ATP6V0A4: variants seen among roughly 807,000 people sequenced by gnomAD.
The protein encoded by ATP6V0A4 is ATPase H+ transporting V0 subunit a4, also known as V-type proton ATPase 116 kDa subunit a 4.
In ATP6V0A4, 86 loss-of-function variants were observed where a neutral mutation model predicts 107.3. That is an observed-to-expected ratio of 0.80 (90% CI 0.67 to 0.96). The LOEUF is 0.96. ATP6V0A4 is among the 40% of genes least tolerant of loss of function. The probability of loss-of-function intolerance (pLI) is 0.00; values close to 1 mark genes in which losing one functional copy is unlikely to be tolerated. For missense variants in ATP6V0A4, 908 were observed against 1,045.6 expected (o/e 0.87, Z 1.81); for synonymous variants, 353 against 381.4 (o/e 0.93, Z 0.87).
chr7:138,792,817 A>G (rs1329643555), intron 1 of ATP6V0A4, among the ~76,000 whole-genome samples: 9 of 137,620 alleles, frequency 6.5e-5, no homozygotes, highest in African/African-American at 2.5e-4. Flanking sequence ...GAGTTTCACT[A>G]TGTTGCCCAG....
At chr7:138,731,801 G>A (rs1805033802) in intron 17 of ATP6V0A4, among the ~76,000 whole-genome samples, 2 of 152,028 alleles carry the variant, frequency 1.3e-5, no homozygotes, top group Admixed American at 6.6e-5. Context: ...GCTGAGGCAG[G>A]AGAATCACTT....
At chr7:138,777,667 T>C (rs532332998) in intron 2 of ATP6V0A4, among the ~76,000 whole-genome samples, 4 of 142,498 alleles carry the variant, frequency 2.8e-5, no homozygotes, top group East Asian at 3.9e-4. Context: ...CACACACATA[T>C]ATATTACTTT....
Position 138,747,564 on chromosome 7 carries a change from GCTGCGGAGGGGAGACACA to G in ATP6V0A4, c.1181-18_1181-1del. 1 of 1,613,910 alleles carries G rather than the reference GCTGCGGAGGGGAGACACA, an allele frequency of 6.2e-7. No homozygotes were observed. The highest frequency in any genetic ancestry group is 8.5e-7 in the Non-Finnish European group (1 of 1,179,966). ...GGGGAAAGTGATGATGGTGTAGGGG[GCTGCGGAGGGGAGACACA>G]CAACGCCTGAGGCCTCAGCACAGCC... On this transcript the variant is annotated splice_acceptor_variant and splice_polypyrimidine_tract_variant and intron_variant, in intron 12 of 21. Transcript: ENST00000310018. LOFTEE classifies it high-confidence loss of function.
At chr7:138,744,007 C>T (rs1562996145) in intron 14 of ATP6V0A4, among the ~76,000 whole-genome samples, 1 of 152,098 alleles carries the variant, frequency 6.6e-6, no homozygotes, top group Non-Finnish European at 1.5e-5. Context: ...TAAAAGTCTC[C>T]ATTCCTAAAA....
intron 8 of ATP6V0A4, among the ~76,000 whole-genome samples, chr7:138,758,044 T>G (rs1220318008): frequency 6.6e-6 from 1 of 152,198 alleles, no homozygotes; most frequent in African/African-American, 2.4e-5. Context: ...GAATCAGGAA[T>G]CTGCTCTAAT....
At chr7:138,787,090 T>C (rs975324217) in intron 1 of ATP6V0A4, among the ~76,000 whole-genome samples, 21 of 152,132 alleles carry the variant, frequency 1.4e-4, no homozygotes, top group African/African-American at 5.1e-4. Flanking sequence ...TGCAATTTGC[T>C]CAAGGTCCTG....
intron 6 of ATP6V0A4, among the ~76,000 whole-genome samples, chr7:138,762,661 C>A (rs1806883348): frequency 6.6e-6 from 1 of 152,182 alleles, no homozygotes; most frequent in Non-Finnish European, 1.5e-5. Context: ...GTTCTGACTT[C>A]TCTTTCTGCC....
At chr7:138,774,953 T>C (rs1284302395) in intron 2 of ATP6V0A4, among the ~76,000 whole-genome samples, 3 of 152,064 alleles carry the variant, frequency 2.0e-5, no homozygotes, top group African/African-American at 7.3e-5. Flanking sequence ...TTTTCCTATT[T>C]CTTTGACAGA....
At chr7:138,741,526 G>A (rs1345150958) in intron 14 of ATP6V0A4, among the ~76,000 whole-genome samples, 1 of 152,174 alleles carries the variant, frequency 6.6e-6, no homozygotes, top group Non-Finnish European at 1.5e-5. Context: ...TCATAGAACA[G>A]CAACATCAGG....
intron 17 of ATP6V0A4, among the ~76,000 whole-genome samples, chr7:138,732,415 C>G (rs141801144): frequency 6.6e-6 from 1 of 152,160 alleles, no homozygotes; most frequent in African/African-American, 2.4e-5. Context: ...TAATAAGACA[C>G]TTTTGAGATG....
At chr7:138,728,645 A>G in intron 18 of ATP6V0A4, 116 bp downstream of exon 18, 2 of 1,441,120 alleles carry the variant, frequency 1.4e-6, no homozygotes, top group African/African-American at 1.4e-5. Context: ...CAGTTCCTCA[A>G]CACCATTCTT....
intron 19 of ATP6V0A4, among the ~76,000 whole-genome samples, chr7:138,717,909 GAAAAAAAAAAAA>G (rs55813379): frequency 1.4e-5 from 1 of 70,934 alleles, no homozygotes; most frequent in Non-Finnish European, 2.6e-5. Flanking sequence ...CTCTGTCTCG[GAAAAAAAAAAAA>G]AAAAAAAAAG....
chr7:138,726,742 C>G (rs1804744196), intron 18 of ATP6V0A4, among the ~76,000 whole-genome samples: 1 of 152,124 alleles, frequency 6.6e-6, no homozygotes, highest in Non-Finnish European at 1.5e-5. Context: ...AAACAACCAA[C>G]AGCCGTGCAT....
At chr7:138,715,566 T>C (rs1362008962) in intron 20 of ATP6V0A4, among the ~76,000 whole-genome samples, 198 bp downstream of exon 20, 2 of 152,170 alleles carry the variant, frequency 1.3e-5, no homozygotes, top group Admixed American at 6.5e-5. Context: ...AGGAGACTAT[T>C]AATATAGAGG....
At chr7:138,730,447 T>C (rs2117232743) in intron 17 of ATP6V0A4, among the ~76,000 whole-genome samples, 1 of 152,086 alleles carries the variant, frequency 6.6e-6, no homozygotes, top group South Asian at 2.1e-4. Flanking sequence ...TATTAACTTG[T>C]ATTGCCTCTT....
chr7:138,786,785 C>T (rs1181276925), intron 1 of ATP6V0A4, among the ~76,000 whole-genome samples: 2 of 152,254 alleles, frequency 1.3e-5, no homozygotes, highest in East Asian at 3.9e-4. Flanking sequence ...TGAGCCACCA[C>T]ACCCGGCGCT....
At chr7:138,767,466 T>G (rs1407340777) in intron 5 of ATP6V0A4, among the ~76,000 whole-genome samples, 1 of 151,422 alleles carries the variant, frequency 6.6e-6, no homozygotes, top group East Asian at 2.0e-4. Flanking sequence ...GAGGTTGCAG[T>G]GAGCCGAGAT....
chr7:138,762,547 G>A (rs1806876782), intron 6 of ATP6V0A4, 113 bp from the exon 7 acceptor site: 1 of 1,528,536 alleles, frequency 6.5e-7, no homozygotes, highest in Non-Finnish European at 8.8e-7. Flanking sequence ...TCCACAAAAA[G>A]TTAACAGAAG....
chr7:138,729,937 G>A (rs1804905012), intron 17 of ATP6V0A4, among the ~76,000 whole-genome samples: 1 of 152,148 alleles, frequency 6.6e-6, no homozygotes, highest in Non-Finnish European at 1.5e-5. Context: ...AGGCTGGAGT[G>A]CAGTGGCGCC....
Sources: gnomAD v4.1 joint callset for allele counts (sites outside exome capture counted in the v4.1 genomes callset) on GRCh38, gnomAD v4.1.1 for gene constraint, MANE v1.5 for transcripts, NCBI Gene and HGNC (gene_info 2026-07-23, HGNC 2026-07-21) for gene names.